NPRL3: variants seen among roughly 807,000 people sequenced by gnomAD.
NPRL3 encodes the protein NPR3 like, GATOR1 complex subunit, also known as GATOR1 complex protein NPRL3.
In NPRL3, 23 loss-of-function variants were observed where a neutral mutation model predicts 57.2. The observed-to-expected ratio is 0.40, with a 90% CI of 0.29 to 0.57. NPRL3 has a LOEUF of 0.57. NPRL3 is among the 20% of genes least tolerant of loss of function. The pLI is 0.42. For missense variants in NPRL3, 691 were observed against 767.1 expected, an observed-to-expected ratio of 0.90 and a Z score of 1.17; for synonymous variants, 333 against 321.1, an observed-to-expected ratio of 1.04 and a Z score of -0.39.
chr16:134,578 C>A (rs569538438), intron 2 of NPRL3, among the ~76,000 whole-genome samples: 20 of 151,048 alleles, frequency 1.3e-4, no homozygotes, highest in Admixed American at 5.3e-4. Context: ...GCACTTGATG[C>A]GAAAGTTTAC....
chr16:105,097 C>T (rs1188477167), intron 7 of NPRL3, among the ~76,000 whole-genome samples: 1 of 152,192 alleles, frequency 6.6e-6, no homozygotes, highest in Non-Finnish European at 1.5e-5. Context: ...ACTTATCCAG[C>T]CCCTCACACA....
intron 3 of NPRL3, 89 bp downstream of exon 3, chr16:130,433 G>C: frequency 1.5e-6 from 2 of 1,337,286 alleles, no homozygotes; most frequent in African/African-American, 1.5e-5. Flanking sequence ...TTCTCAGGGA[G>C]AAAACATCTG....
At chr16:116,985 A>G (rs1423072041) in intron 5 of NPRL3, among the ~76,000 whole-genome samples, 2 of 145,102 alleles carry the variant, frequency 1.4e-5, no homozygotes, top group Non-Finnish European at 3.1e-5. Flanking sequence ...AAAAAAAAAA[A>G]AGAGAATAAC....
intron 3 of NPRL3, among the ~76,000 whole-genome samples, chr16:129,113 A>T (rs1253180555): frequency 6.6e-6 from 1 of 152,212 alleles, no homozygotes; most frequent in Non-Finnish European, 1.5e-5. Flanking sequence ...TCATGTCATT[A>T]TAAGTCTGAA....
At chr16:90,656 T>A (rs1417376720) in intron 11 of NPRL3, 1 of 152,208 alleles carries the variant, frequency 6.6e-6, no homozygotes, top group Non-Finnish European at 1.5e-5. Flanking sequence ...GACACATCAG[T>A]GTCCTCAGAT....
rs376154100 is a variant in NPRL3 at position 119,113 on chromosome 16, G to C, written c.318+13C>G. The stretch of plus-strand genomic sequence containing the variant: ...GCCCAGGGAGAGCCCCACCTGCCCA[G>C]GGAGAGCCATACCTGCCCCAGAGCA... On this transcript the variant is annotated intron_variant, in intron 4 of 13. Transcript: ENST00000611875. 1 of 1,611,876 alleles carries C rather than the reference G, an allele frequency of 6.2e-7. No individual in the cohort carries two copies. Among genetic ancestry groups the C allele is most frequent in the Non-Finnish European group, 8.5e-7 (1 of 1,178,768 alleles).
At chr16:120,650 C>T (rs1463319512) in intron 3 of NPRL3, among the ~76,000 whole-genome samples, 1 of 152,110 alleles carries the variant, frequency 6.6e-6, no homozygotes, top group African/African-American at 2.4e-5. Context: ...TTGGAAATAG[C>T]CTCTCAACCC....
rs886037961 is a variant in NPRL3 at position 89,794 on chromosome 16, G to A, written c.1270C>T (p.Arg424Ter). ...ASPSEEEPRP[R>*]EDDVPFTARV... ...GCAGTGAAGGGGACGTCGTCCTCTC[G>A]CGGACGGGGCTCCTCCTCGCTGGGT... The change falls in exon 12 of 14, where the codon CGA becomes TGA. Residue 424 changes from arginine (R) to a stop codon, truncating the protein, a stop_gained. Transcript: ENST00000611875. LOFTEE classifies it high-confidence loss of function. 1.3e-6 allele frequency: 2 copies of A among 1,599,076 alleles called. No individual in the cohort carries two copies. The highest frequency in any genetic ancestry group is 1.7e-6 in the Non-Finnish European group (2 of 1,174,416).
intron 2 of NPRL3, among the ~76,000 whole-genome samples, chr16:137,176 C>T (rs1024363534): frequency 2.6e-5 from 4 of 151,958 alleles, no homozygotes; most frequent in Non-Finnish European, 5.9e-5. Context: ...GCCGAGATCA[C>T]GCCACTCAAC....
At chr16:126,121 A>T (rs1900503298) in intron 3 of NPRL3, 1 of 152,246 alleles carries the variant, frequency 6.6e-6, no homozygotes, top group South Asian at 2.1e-4. Flanking sequence ...TCATGCGTGT[A>T]ATCCCAGAAC....
intron 13 of NPRL3, among the ~76,000 whole-genome samples, chr16:87,715 G>A (rs534202199): frequency 1.3e-3 from 201 of 151,460 alleles, no homozygotes; most frequent in African/African-American, 4.5e-3. Flanking sequence ...GACTACAGGC[G>A]CCCGCCACCA....
In NPRL3 at chr16:88,880, A is replaced by G. The variant is rs1218207644; in HGVS notation, c.1362T>C (p.Asp454=). 3 of 1,610,472 alleles carry G rather than the reference A, an allele frequency of 1.9e-6. No homozygotes were observed. The highest frequency in any genetic ancestry group is 1.1e-5 in the South Asian group (1 of 90,964). ...ALSFGSPTSS[D]DMTLTSPSMD... is the part of the protein sequence containing the mutation. Reference sequence around the variant, plus strand: ...TGCTGGGGCTGGTGAGGGTCATGTCATCGCTGCTGGCTGTGGGGGACATGG... The same window carrying G: ...TGCTGGGGCTGGTGAGGGTCATGTCGTCGCTGCTGGCTGTGGGGGACATGG... Residue 454 remains aspartate (D), a synonymous_variant, in exon 13 of 14, where the codon GAT becomes GAC. Transcript: ENST00000611875.
At chr16:100,340 C>T (rs777021343) in intron 8 of NPRL3, 32 bp downstream of exon 8, 2 of 1,456,876 alleles carry the variant, frequency 1.4e-6, no homozygotes, top group East Asian at 2.6e-5. Context: ...AGGGCCCTGG[C>T]AGGGAGTGAG....
At chr16:102,535 G>A (rs1899343817) in intron 7 of NPRL3, among the ~76,000 whole-genome samples, 1 of 152,156 alleles carries the variant, frequency 6.6e-6, no homozygotes, top group African/African-American at 2.4e-5. Context: ...CATTTCTACA[G>A]CACCTCCCCG....
chr16:93,287 C>T lies in NPRL3; in HGVS notation c.963G>A (p.Lys321=), dbSNP rs1250422723. ...QLAAHLVYWG[K]AIIIYPLCEN... ...CACACAGCGGGTAGATGATGATGGC[C>T]TTGCCCCAGTACACCAGATGAGCTG... Residue 321 remains lysine, a synonymous_variant, in exon 10 of 14, where the codon AAG becomes AAA. Transcript: ENST00000611875. The T allele has an allele frequency of 3.8e-6, 6 of 1,560,634 alleles. No homozygotes were observed. The highest frequency in any genetic ancestry group is 5.2e-6 in the Non-Finnish European group (6 of 1,152,200).
chr16:85,682 G>T lies in NPRL3; in HGVS notation c.*1023C>A. ...AGCCCGGGTGGGCGTCGGCCATGCA[G>T]GGGAGTGGGCCCGGAAACCCCTCCG... On this transcript the variant is annotated 3_prime_UTR_variant, in exon 14 of 14. Coordinates refer to ENST00000611875, the MANE Select transcript of NPRL3 (RefSeq NM_001077350.3). The T allele has an allele frequency of 6.4e-7, 1 of 1,564,632 alleles. No individual in the cohort carries two copies. Among genetic ancestry groups the T allele is most frequent in the Non-Finnish European group, 8.7e-7 (1 of 1,152,222 alleles).
At chr16:119,404 C>T (rs745317167) in intron 3 of NPRL3, 149 bp from the exon 4 acceptor site, 162 of 730,414 alleles carry the variant, frequency 2.2e-4, no homozygotes, top group Non-Finnish European at 3.3e-4. Context: ...CTAACAGTTG[C>T]CCTTCTGTAG....
At chr16:135,288 A>C (rs1901018963) in intron 2 of NPRL3, among the ~76,000 whole-genome samples, 1 of 152,198 alleles carries the variant, frequency 6.6e-6, no homozygotes, top group African/African-American at 2.4e-5. Context: ...AACTCTTCAC[A>C]AGAGCCCAGA....
At position 110,505 on chromosome 16, in the gene NPRL3, A is replaced by T; in HGVS notation, c.629+20T>A. ...CTGGCCCATAAGAAGGAGGTTAATAAGCACACCCACCTGTCTTACCTGTCA... is the reference window on the plus strand; with the variant it reads ...CTGGCCCATAAGAAGGAGGTTAATATGCACACCCACCTGTCTTACCTGTCA... On this transcript the variant is annotated intron_variant, in intron 7 of 13. Coordinates refer to ENST00000611875, the MANE Select transcript of NPRL3 (RefSeq NM_001077350.3). The T allele has an allele frequency of 6.2e-7, 1 of 1,602,676 alleles. No individual in the cohort carries two copies. The highest frequency in any genetic ancestry group is 8.5e-7 in the Non-Finnish European group (1 of 1,173,688).
Sources: gnomAD v4.1 joint callset for allele counts (sites outside exome capture counted in the v4.1 genomes callset) on GRCh38, gnomAD v4.1.1 for gene constraint, MANE v1.5 for transcripts, NCBI Gene and HGNC (gene_info 2026-07-23, HGNC 2026-07-21) for gene names.